The following MSI2 variants were observed in gnomAD, a reference collection of about 807,000 sequenced individuals.
MSI2 encodes RNA-binding protein Musashi homolog 2.
In MSI2, 17 loss-of-function variants were observed where a neutral mutation model predicts 45.6. The observed-to-expected ratio is 0.37, with a 90% confidence interval of 0.26 to 0.56. The LOEUF is 0.56. MSI2 is among the 20% of genes least tolerant of loss of function. The pLI is 0.77. For missense variants in MSI2, 293 were observed against 444.2 expected (o/e 0.66, Z 3.06); for synonymous variants, 156 against 158.2 (o/e 0.99, Z 0.11).
chr17:57,339,202 C>T (rs996637436), intron 5 of MSI2, among the ~76,000 whole-genome samples: 1 of 152,200 alleles, frequency 6.6e-6, no homozygotes. Flanking sequence ...GCCCGCGAGG[C>T]ACCACCCGGT....
intron 7 of MSI2, among the ~76,000 whole-genome samples, chr17:57,590,855 G>A (rs1366079209): frequency 2.0e-5 from 3 of 152,180 alleles, no homozygotes; most frequent in Non-Finnish European, 4.4e-5. Context: ...TCCCCTAGTT[G>A]TCAGTCCCTG....
chr17:57,388,893 A>G (rs1396371704), intron 5 of MSI2, among the ~76,000 whole-genome samples: 1 of 151,048 alleles, frequency 6.6e-6, no homozygotes, highest in Non-Finnish European at 1.5e-5. Context: ...ACCTCAAGTG[A>G]TCCACCTGCC....
intron 11 of MSI2, among the ~76,000 whole-genome samples, chr17:57,653,935 C>CT (rs1911383147): frequency 2.6e-5 from 2 of 77,522 alleles, no homozygotes; most frequent in South Asian, 5.1e-4. Flanking sequence ...TCCAGTCACA[C>CT]ATTTTTTTTT....
intron 13 of MSI2, among the ~76,000 whole-genome samples, chr17:57,678,645 A>G (rs1400179779): frequency 6.8e-6 from 1 of 146,932 alleles, no homozygotes; most frequent in Non-Finnish European, 1.5e-5. Flanking sequence ...ATATAACCCC[A>G]AGGCCACTAA....
At chr17:57,553,658 C>T (rs1314577973) in intron 7 of MSI2, among the ~76,000 whole-genome samples, 2 of 152,170 alleles carry the variant, frequency 1.3e-5, no homozygotes, top group African/African-American at 2.4e-5. Flanking sequence ...ATTCTCATCG[C>T]GGAGGGGCAG....
Position 57,257,145 on chromosome 17 carries a change from GA to G in MSI2, c.103+8del. 2 of 1,461,914 alleles carry G rather than the reference GA, an allele frequency of 1.4e-6. No homozygotes were observed. Among genetic ancestry groups the G allele is most frequent in the Non-Finnish European group, 1.9e-6 (2 of 1,063,506 alleles). The allele number at this position is 1,461,914 out of a possible 1,614,324, so 90.6% of individuals were successfully genotyped here. On this transcript the variant is annotated splice_region_variant and intron_variant, in intron 2 of 13. Transcript: ENST00000284073. ...AGCTGGCAGACCTCACCAGGTAAGG[GA>G]GGGAGGGGGGGACGCCTGGGTCCCC...
At chr17:57,551,395 C>T (rs1417538267) in intron 7 of MSI2, among the ~76,000 whole-genome samples, 3 of 152,216 alleles carry the variant, frequency 2.0e-5, no homozygotes, top group Middle Eastern at 3.4e-3. Flanking sequence ...GGGATTGCTG[C>T]CGGAGGGAGG....
chr17:57,303,186 T>G (rs969263304), intron 5 of MSI2, among the ~76,000 whole-genome samples: 1 of 152,300 alleles, frequency 6.6e-6, no homozygotes, highest in Non-Finnish European at 1.5e-5. Context: ...GGCGGTCTGT[T>G]TTACTACATG....
intron 4 of MSI2, among the ~76,000 whole-genome samples, chr17:57,259,580 T>C (rs1271454929): frequency 6.6e-6 from 1 of 152,250 alleles, no homozygotes; most frequent in Non-Finnish European, 1.5e-5. Context: ...GAAACCCACC[T>C]ACACTCTTAG....
At chr17:57,505,799 A>T (rs1197914047) in intron 6 of MSI2, among the ~76,000 whole-genome samples, 6 of 152,214 alleles carry the variant, frequency 3.9e-5, no homozygotes, top group African/African-American at 7.2e-5. Context: ...GGACAAGGTG[A>T]AAAGCATATG....
intron 6 of MSI2, among the ~76,000 whole-genome samples, chr17:57,462,906 C>T (rs1378328885): frequency 6.6e-6 from 1 of 152,234 alleles, no homozygotes; most frequent in Non-Finnish European, 1.5e-5. Flanking sequence ...CAGACATTCT[C>T]CTGGTGTTTC....
chr17:57,299,514 T>C (rs1911260135), intron 5 of MSI2, among the ~76,000 whole-genome samples: 1 of 152,202 alleles, frequency 6.6e-6, no homozygotes, highest in Non-Finnish European at 1.5e-5. Context: ...TCTACAGGCC[T>C]GCGGGAAGGG....
At chr17:57,439,785 C>T (rs2084763083) in intron 6 of MSI2, among the ~76,000 whole-genome samples, 2 of 152,148 alleles carry the variant, frequency 1.3e-5, no homozygotes, top group Non-Finnish European at 2.9e-5. Context: ...AGACTTTGGA[C>T]TATTTCCTAA....
At chr17:57,641,166 C>T (rs1355327431) in intron 10 of MSI2, among the ~76,000 whole-genome samples, 2 of 152,144 alleles carry the variant, frequency 1.3e-5, no homozygotes, top group African/African-American at 2.4e-5. Flanking sequence ...TCTGAAACAA[C>T]GTCACTCAGG....
intron 5 of MSI2, among the ~76,000 whole-genome samples, chr17:57,300,513 A>G (rs1239480500): frequency 2.0e-5 from 3 of 152,200 alleles, no homozygotes; most frequent in African/African-American, 4.8e-5. Context: ...GTGAGATCCT[A>G]TTAAACATAC....
chr17:57,288,305 G>T (rs1910104912), intron 5 of MSI2, among the ~76,000 whole-genome samples: 1 of 152,180 alleles, frequency 6.6e-6, no homozygotes, highest in South Asian at 2.1e-4. Flanking sequence ...AGCTGTTGTC[G>T]CTGGGACAGG....
At chr17:57,457,788 A>G (rs1362334268) in intron 6 of MSI2, among the ~76,000 whole-genome samples, 2 of 152,190 alleles carry the variant, frequency 1.3e-5, no homozygotes, top group Non-Finnish European at 2.9e-5. Flanking sequence ...GTATGCCGGT[A>G]GTCTTAGCTA....
chr17:57,650,802 G>A (rs989426267), intron 10 of MSI2, among the ~76,000 whole-genome samples: 2 of 152,122 alleles, frequency 1.3e-5, no homozygotes, highest in African/African-American at 4.8e-5. Flanking sequence ...TGTTTAGTGG[G>A]CTTCTAGTTC....
intron 6 of MSI2, among the ~76,000 whole-genome samples, chr17:57,481,795 G>A (rs1465355204): frequency 3.3e-5 from 5 of 152,278 alleles, no homozygotes; most frequent in African/African-American, 7.2e-5. Flanking sequence ...CATAGCTATC[G>A]GCTTGAGTAC....
Sources: gnomAD v4.1 joint callset for allele counts (sites outside exome capture counted in the v4.1 genomes callset) on GRCh38, gnomAD v4.1.1 for gene constraint, MANE v1.5 for transcripts, NCBI Gene and HGNC (gene_info 2026-07-23, HGNC 2026-07-21) for gene names.